The following GPC5 variants were observed in gnomAD, a reference collection of about 807,000 sequenced individuals.
GPC5 encodes glypican-5.
Under a neutral mutation model 53.9 loss-of-function variants are expected in GPC5, and 47 were observed. That is an observed-to-expected ratio of 0.87 (90% confidence interval 0.69 to 1.11). GPC5 has a LOEUF of 1.11. GPC5 is among the 50% of genes most tolerant of loss of function. The pLI is 0.00. For missense variants in GPC5, 748 were observed against 713.1 expected (o/e 1.05, Z -0.56); for synonymous variants, 286 against 263.3 (o/e 1.09, Z -0.84).
At chr13:92,428,850 T>A (rs889554765) in intron 7 of GPC5, among the ~76,000 whole-genome samples, 1 of 151,926 alleles carries the variant, frequency 6.6e-6, no homozygotes, top group Non-Finnish European at 1.5e-5. Flanking sequence ...CAAAAATATA[T>A]ATAGCTGGAG....
intron 7 of GPC5, among the ~76,000 whole-genome samples, chr13:92,235,090 C>CA (rs367658223): frequency 4.8e-4 from 73 of 151,932 alleles, no homozygotes; most frequent in African/African-American, 1.7e-3. Context: ...TGAACTCAAT[C>CA]AAAAAAATTG....
At chr13:91,581,347 G>T (rs1193367166) in intron 2 of GPC5, among the ~76,000 whole-genome samples, 1 of 152,148 alleles carries the variant, frequency 6.6e-6, no homozygotes, top group Non-Finnish European at 1.5e-5. Flanking sequence ...GCCCCATCAT[G>T]GTCAGCTTTT....
At chr13:91,989,326 C>T (rs2040436231) in intron 6 of GPC5, among the ~76,000 whole-genome samples, 1 of 152,168 alleles carries the variant, frequency 6.6e-6, no homozygotes, top group South Asian at 2.1e-4. Flanking sequence ...CCATATGATT[C>T]CCATTACTCT....
intron 7 of GPC5, among the ~76,000 whole-genome samples, chr13:92,411,761 G>T (rs1876052008): frequency 6.6e-6 from 1 of 152,112 alleles, no homozygotes; most frequent in African/African-American, 2.4e-5. Context: ...ATTTATATGT[G>T]CATAATGATG....
intron 6 of GPC5, among the ~76,000 whole-genome samples, chr13:92,048,469 A>G (rs1324797387): frequency 6.6e-6 from 1 of 152,190 alleles, no homozygotes; most frequent in African/African-American, 2.4e-5. Flanking sequence ...GAGAACACAG[A>G]AAGTCAGCCA....
intron 7 of GPC5, among the ~76,000 whole-genome samples, chr13:92,522,016 C>A (rs1223319575): frequency 2.0e-5 from 3 of 152,190 alleles, no homozygotes; most frequent in Non-Finnish European, 4.4e-5. Flanking sequence ...GGCCAACAGA[C>A]ACATGAAAAA....
At chr13:92,461,233 C>A (rs923037634) in intron 7 of GPC5, among the ~76,000 whole-genome samples, 5 of 152,018 alleles carry the variant, frequency 3.3e-5, no homozygotes, top group African/African-American at 1.2e-4. Flanking sequence ...TTTTGAGGAG[C>A]AGAAAAATTC....
intron 2 of GPC5, among the ~76,000 whole-genome samples, chr13:91,591,078 G>T (rs1184811495): frequency 6.6e-6 from 1 of 152,106 alleles, no homozygotes; most frequent in Admixed American, 6.6e-5. Context: ...ACAGTGACAG[G>T]CATTTGTAAA....
intron 5 of GPC5, among the ~76,000 whole-genome samples, chr13:91,847,886 T>C (rs534669649): frequency 3.5e-4 from 53 of 152,326 alleles, no homozygotes; most frequent in African/African-American, 1.2e-3. Flanking sequence ...TGAAGAATAT[T>C]ATTTATGGTC....
chr13:91,686,640 A>G (rs1289478298), intron 2 of GPC5, among the ~76,000 whole-genome samples: 1 of 152,004 alleles, frequency 6.6e-6, no homozygotes, highest in African/African-American at 2.4e-5. Flanking sequence ...AAGAATTATT[A>G]CTATTAAAAT....
At chr13:92,165,722 C>T (rs957913795) in intron 7 of GPC5, among the ~76,000 whole-genome samples, 3 of 152,154 alleles carry the variant, frequency 2.0e-5, no homozygotes, top group East Asian at 1.9e-4. Context: ...AGAGCCAGAT[C>T]GTATCTAGCT....
intron 7 of GPC5, among the ~76,000 whole-genome samples, chr13:92,712,843 G>T (rs1566378699): frequency 6.6e-6 from 1 of 152,148 alleles, no homozygotes; most frequent in Non-Finnish European, 1.5e-5. Context: ...GTCCTTATAA[G>T]AAATTAGTAA....
At chr13:92,192,530 T>C (rs929139053) in intron 7 of GPC5, among the ~76,000 whole-genome samples, 71 of 152,340 alleles carry the variant, frequency 4.7e-4, no homozygotes, top group African/African-American at 1.6e-3. Flanking sequence ...ATTTCTTTCT[T>C]CTAAATTGTC....
At chr13:92,736,807 A>ATTT (rs11425108) in intron 7 of GPC5, among the ~76,000 whole-genome samples, 135 of 148,946 alleles carry the variant, frequency 9.1e-4, no homozygotes, top group African/African-American at 3.2e-3. Context: ...GCTGTAGCCT[A>ATTT]TTTTTTTTTT....
At chr13:91,808,942 A>G (rs763897607) in intron 5 of GPC5, among the ~76,000 whole-genome samples, 1 of 152,194 alleles carries the variant, frequency 6.6e-6, no homozygotes, top group African/African-American at 2.4e-5. Context: ...AGCCCTCAAT[A>G]TCTTTGTGTT....
chr13:92,737,724 A>T (rs1209720541), intron 7 of GPC5, among the ~76,000 whole-genome samples: 1 of 151,314 alleles, frequency 6.6e-6, no homozygotes, highest in East Asian at 1.9e-4. Flanking sequence ...TTAGATTTGA[A>T]ATGGAAAATG....
At chr13:92,357,503 T>C (rs1462200934) in intron 7 of GPC5, among the ~76,000 whole-genome samples, 1 of 151,796 alleles carries the variant, frequency 6.6e-6, no homozygotes, top group Non-Finnish European at 1.5e-5. Flanking sequence ...TGGCCACATA[T>C]ATGTCATCTT....
chr13:91,496,980 T>C (rs1039562093), intron 2 of GPC5, among the ~76,000 whole-genome samples: 3 of 152,194 alleles, frequency 2.0e-5, no homozygotes, highest in Non-Finnish European at 4.4e-5. Flanking sequence ...GTTACTGTCT[T>C]TTTCTTCAAA....
rs893904827 is a variant in GPC5, at chr13:91,760,431, T to A, written c.1280+4011T>A. Among the ~76,000 whole-genome samples, 5 of 152,302 alleles carry A rather than the reference T, an allele frequency of 3.3e-5. No homozygotes were observed. In the East Asian group the frequency reaches 9.7e-4, roughly 29 times the overall value. ...ACCTGCAGTTAGTTGAAGTAAGTAA[T>A]GCCATTCAGTTTTGAGGAAATGGAC... On this transcript the variant is annotated intron_variant, in intron 5 of 7. Coordinates refer to ENST00000377067, the MANE Select transcript of GPC5 (RefSeq NM_004466.6).
Sources: gnomAD v4.1 joint callset for allele counts (sites outside exome capture counted in the v4.1 genomes callset) on GRCh38, gnomAD v4.1.1 for gene constraint, MANE v1.5 for transcripts, NCBI Gene and HGNC (gene_info 2026-07-23, HGNC 2026-07-21) for gene names.